FNTB: variants seen among roughly 807,000 people sequenced by gnomAD.
FNTB encodes farnesyltransferase, CAAX box, subunit beta, also known as protein farnesyltransferase subunit beta.
In FNTB, 27 loss-of-function variants were observed where a neutral mutation model predicts 59.4. That is an observed-to-expected ratio of 0.45 (90% CI 0.34 to 0.63). FNTB has a LOEUF of 0.63. Ranked by LOEUF, FNTB falls within the 20% of genes least tolerant of loss-of-function variation. The probability of loss-of-function intolerance (pLI) is 0.02; values close to 1 mark genes in which losing one functional copy is unlikely to be tolerated. For synonymous variants in FNTB, 230 were observed against 220.7 expected (o/e 1.04, Z -0.37); for missense variants, 449 against 559.6 (o/e 0.80, Z 1.99).
intron 1 of FNTB, among the ~76,000 whole-genome samples, chr14:64,996,950 A>G (rs1309868472): frequency 1.3e-5 from 2 of 152,100 alleles, no homozygotes; most frequent in Non-Finnish European, 2.9e-5. Flanking sequence ...TTATGCATTC[A>G]TAAACAACTG....
At chr14:65,055,662 A>G (rs1193713500) in intron 11 of FNTB, among the ~76,000 whole-genome samples, 3 of 151,862 alleles carry the variant, frequency 2.0e-5, no homozygotes, top group Non-Finnish European at 4.4e-5. Flanking sequence ...GATTACAGGC[A>G]TGCACCACCA....
chr14:64,996,170 G>C (rs1888389751), intron 1 of FNTB, among the ~76,000 whole-genome samples: 1 of 151,836 alleles, frequency 6.6e-6, no homozygotes, highest in African/African-American at 2.4e-5. Context: ...CCAAGCCTGG[G>C]CTGGGCACCG....
In FNTB at chr14:65,009,514, C is replaced by G. The variant is rs1334144157; in HGVS notation, c.210-2803C>G. Among the ~76,000 whole-genome samples, 1 of 152,116 alleles carries G rather than the reference C, an allele frequency of 6.6e-6. No individual in the cohort carries two copies. Among genetic ancestry groups the G allele is most frequent in the Non-Finnish European group, 1.5e-5 (1 of 68,016 alleles). On this transcript the variant is annotated intron_variant, in intron 2 of 11. Transcript: ENST00000246166. This position sits in a 1 kb window ranked among gnomAD's most constrained non-coding sequence, Gnocchi z 4.2. The stretch of plus-strand genomic sequence containing the variant: ...GTTTCCTTCTTCCCACATCAGAGAC[C>G]TATATTTCGCTAGCTTCGTACCCAT...
chr14:64,987,473 A>T (rs963640578), intron 1 of FNTB: 36 of 231,162 alleles, frequency 1.6e-4, no homozygotes, highest in Admixed American at 3.9e-4. Context: ...ACTTTTCCCA[A>T]CCTGCCCTCA....
chr14:65,053,293 G>T lies in FNTB; in HGVS notation c.1011G>T (p.Glu337Asp). 1 of 1,468,612 alleles carries T rather than the reference G, an allele frequency of 6.8e-7. No individual in the cohort carries two copies. The highest frequency in any genetic ancestry group is 1.4e-5 in the South Asian group (1 of 69,324). 91.0% of individuals were successfully genotyped at this position (1,468,612 alleles called of 1,614,324 possible). The change falls in exon 10 of 12, where the codon GAG becomes GAT. Residue 337 changes from glutamate (E) to aspartate (D), a missense_variant. Physicochemically the swap from Glu to Asp is conservative, Grantham distance 45. Coordinates refer to ENST00000246166, the MANE Select transcript of FNTB (RefSeq NM_002028.4). The stretch of plus-strand genomic sequence containing the variant: ...TGTTCCATCAGCAGGCCCTGCAGGA[G>T]TACATCCTGATGTGCTGCCAGTGCC... ...HWMFHQQALQ[E>D]YILMCCQCPA... is the part of the protein sequence containing the mutation.
Position 65,009,842 on chromosome 14 carries a change from G to A in FNTB, c.210-2475G>A, listed in dbSNP as rs537691105. On this transcript the variant is annotated intron_variant, in intron 2 of 11. Transcript: ENST00000246166. This position sits in a 1 kb window ranked among gnomAD's most constrained non-coding sequence, Gnocchi z 4.2. ...GTTTTCTGACCCTCCATCTCTTCCC[G>A]TGGCTGATCACAGCGTTTATTGGAC... Among the ~76,000 whole-genome samples, 5 of 151,990 alleles carry A rather than the reference G, an allele frequency of 3.3e-5. No individual in the cohort carries two copies. The East Asian group carries it at 5.8e-4, about 18-fold the overall frequency.
Position 65,058,256 on chromosome 14 carries a change from AT to A in FNTB, c.1183-2913del, listed in dbSNP as rs202128758. On this transcript the variant is annotated intron_variant, in intron 11 of 11. Transcript: ENST00000246166. ...ATAATTTTTTCCATAAAGGACTAGCATTTTTTTTTTTTCGGTTAGAGTTATG... is the reference window on the plus strand; with the variant it reads ...ATAATTTTTTCCATAAAGGACTAGCATTTTTTTTTTTCGGTTAGAGTTATG... Among the ~76,000 whole-genome samples, 692 of 127,430 alleles carry A rather than the reference AT, an allele frequency of 5.4e-3. 5 individuals carry two copies. The highest frequency in any genetic ancestry group is 0.017 in the East Asian group (76 of 4,468). The allele number at this position is 127,430 out of a possible 152,430, so 83.6% of individuals were successfully genotyped here.
chr14:65,046,664 A>C (rs1468697831), intron 9 of FNTB, among the ~76,000 whole-genome samples: 2 of 151,916 alleles, frequency 1.3e-5, no homozygotes, highest in Non-Finnish European at 2.9e-5. Context: ...TCTGTAAAGA[A>C]GGGAAGTGTG....
intron 7 of FNTB, among the ~76,000 whole-genome samples, chr14:65,037,749 T>TTTA (rs1228396511): frequency 2.8e-4 from 16 of 56,556 alleles, no homozygotes; most frequent in South Asian, 4.9e-4. Context: ...TTATTATTTA[T>TTTA]TTATTTATTT....
intron 4 of FNTB, chr14:65,022,029 A>G (rs1306158916): frequency 2.2e-6 from 1 of 455,938 alleles, no homozygotes; most frequent in African/African-American, 2.0e-5. Context: ...AGAGTCAAAT[A>G]ACACGTCTGA....
rs1555390096 is a variant in FNTB at position 65,005,511 on chromosome 14, T to TTCTTTC, written c.209+1201_209+1202insTTCTCT. Among the ~76,000 whole-genome samples the TTCTTTC allele has an allele frequency of 3.4e-4, 22 of 64,446 alleles. 1 individual carries two copies. The South Asian group carries it at 6.1e-3, about 18-fold the overall frequency. The allele number at this position is 64,446 out of a possible 152,430, so 42.3% of individuals were successfully genotyped here. ...TTTCTTTCTTTCTTTCTTTCTTTCT[T>TTCTTTC]TCTCTCTCTCTTTCTCTTTCTCTTT... On this transcript the variant is annotated intron_variant, in intron 2 of 11. Coordinates refer to ENST00000246166, the MANE Select transcript of FNTB (RefSeq NM_002028.4).
rs1334500164 is a variant in FNTB, at chr14:65,047,177, C to G, written c.955+2734C>G. ...GTAGCGGAGTCTTCCCAAGCCCTCA[C>G]TGTATGCCAGGGGCTGTACTGAGCA... On this transcript the variant is annotated intron_variant, in intron 9 of 11. Coordinates refer to ENST00000246166, the MANE Select transcript of FNTB (RefSeq NM_002028.4). The surrounding 1 kb of genome is among the most constrained non-coding windows in gnomAD (Gnocchi z 5.2). 6.6e-6 allele frequency among the ~76,000 whole-genome samples: 1 copy of G among 152,260 alleles called. No homozygotes were observed. Among genetic ancestry groups the G allele is most frequent in the African/African-American group, 2.4e-5 (1 of 41,470 alleles).
At chr14:65,041,063 A>T in intron 8 of FNTB, 144 bp downstream of exon 8, 1 of 1,373,198 alleles carries the variant, frequency 7.3e-7, no homozygotes, top group Non-Finnish European at 9.7e-7. Flanking sequence ...AGGAGTGAGC[A>T]GCTGCTCTGT....
Position 65,053,634 on chromosome 14 carries a change from AC to A in FNTB, c.1067+286del, listed in dbSNP as rs767572380. 2.5e-3 allele frequency among the ~76,000 whole-genome samples: 381 copies of A among 151,216 alleles called. 4 individuals are homozygous for A. The highest frequency in any genetic ancestry group is 5.2e-3 in the East Asian group (27 of 5,180). ...ATAACTCTTCTTTTTTTTAAAAAAA[AC>A]AAAAAAAAACTGATCTAAATAGAAT... On this transcript the variant is annotated intron_variant, in intron 10 of 11. Transcript: ENST00000246166.
At position 65,012,431 on chromosome 14, in the gene FNTB, C is replaced by T; in HGVS notation, c.282+42C>T. 1 of 1,611,186 alleles carries T rather than the reference C, an allele frequency of 6.2e-7. No individual in the cohort carries two copies. The highest frequency in any genetic ancestry group is 8.5e-7 in the Non-Finnish European group (1 of 1,177,544). ...GGAACTCTTGCTGTCAAATTATCCA[C>T]CAAATCCTCCTCCTTTTTCTATTTA... On this transcript the variant is annotated intron_variant, in intron 3 of 11. Coordinates refer to ENST00000246166, the MANE Select transcript of FNTB (RefSeq NM_002028.4). The surrounding 1 kb of genome is among the most constrained non-coding windows in gnomAD (Gnocchi z 5.0).
At chr14:65,017,975 T>C (rs2061812445) in intron 4 of FNTB, among the ~76,000 whole-genome samples, 1 of 151,850 alleles carries the variant, frequency 6.6e-6, no homozygotes, top group Non-Finnish European at 1.5e-5. Context: ...ATAAATAAAA[T>C]ACATAAATTT....
rs1227697737 is a variant in FNTB, at chr14:64,991,000, T to C, written c.144+3903T>C. Among the ~76,000 whole-genome samples, 1 of 152,190 alleles carries C rather than the reference T, an allele frequency of 6.6e-6. No homozygotes were observed. The highest frequency in any genetic ancestry group is 1.9e-4 in the East Asian group (1 of 5,194). Reference sequence around the variant, plus strand: ...CATGGTTGTATTGTTAGTGCCTGCCTTCCTTATTGTGCCATCTGGAATCAT... The same window carrying C: ...CATGGTTGTATTGTTAGTGCCTGCCCTCCTTATTGTGCCATCTGGAATCAT... On this transcript the variant is annotated intron_variant, in intron 1 of 11. Transcript: ENST00000246166. This position sits in a 1 kb window ranked among gnomAD's most constrained non-coding sequence, Gnocchi z 5.2.
In FNTB at chr14:65,011,416, G is replaced by C. The variant is rs547344903; in HGVS notation, c.210-901G>C. 7.3e-6 allele frequency among the ~76,000 whole-genome samples: 1 copy of C among 137,390 alleles called. No homozygotes were observed. The highest frequency in any genetic ancestry group is 1.5e-5 in the Non-Finnish European group (1 of 66,302). The allele number at this position is 137,390 out of a possible 152,430, so 90.1% of individuals were successfully genotyped here. Reference sequence around the variant, plus strand: ...TGCACTCCAGCCTGGGTGACAGAGCGAGACTCCGTCTCAGGAAAAAAAAAA... The same window carrying C: ...TGCACTCCAGCCTGGGTGACAGAGCCAGACTCCGTCTCAGGAAAAAAAAAA... On this transcript the variant is annotated intron_variant, in intron 2 of 11. Coordinates refer to ENST00000246166, the MANE Select transcript of FNTB (RefSeq NM_002028.4). This position sits in a 1 kb window ranked among gnomAD's most constrained non-coding sequence, Gnocchi z 4.0.
intron 11 of FNTB, among the ~76,000 whole-genome samples, chr14:65,057,947 A>G (rs1366425910): frequency 6.6e-6 from 1 of 152,192 alleles, no homozygotes; most frequent in Admixed American, 6.5e-5. Flanking sequence ...CAAGTCTGAA[A>G]ACAGGTAGGC....
Sources: gnomAD v4.1 joint callset for allele counts (sites outside exome capture counted in the v4.1 genomes callset) on GRCh38, gnomAD v4.1.1 for gene constraint, Gnocchi (gnomAD v3.1) non-coding constraint, MANE v1.5 for transcripts, NCBI Gene and HGNC (gene_info 2026-07-23, HGNC 2026-07-21) for gene names.